RUNX1: variants seen among roughly 807,000 people sequenced by gnomAD.
The protein encoded by RUNX1 is RUNX family transcription factor 1.
A neutral mutation model predicts 42.8 loss-of-function variants in RUNX1; 19 were observed. The ratio of observed to expected loss-of-function variants is 0.44; its 90% CI spans 0.31 to 0.65. RUNX1 has a LOEUF of 0.65. Among genes scored for constraint, RUNX1 ranks in the 30% least tolerant of loss-of-function variants. RUNX1 has a pLI of 0.07. For missense variants in RUNX1, 528 were observed against 672.0 expected (o/e 0.79, Z 2.37); for synonymous variants, 271 against 289.4 (o/e 0.94, Z 0.64).
chr21:34,853,398 T>C (rs1292861142), intron 6 of RUNX1, among the ~76,000 whole-genome samples: 1 of 152,188 alleles, frequency 6.6e-6, no homozygotes, highest in Non-Finnish European at 1.5e-5. Flanking sequence ...ACTTTACTGA[T>C]AAACTCTCCC....
At chr21:34,877,499 C>G (rs1039528775) in intron 5 of RUNX1, among the ~76,000 whole-genome samples, 1 of 151,944 alleles carries the variant, frequency 6.6e-6, no homozygotes, top group African/African-American at 2.4e-5. Context: ...AAGGAGCGGT[C>G]GATTTACATG....
chr21:34,988,703 C>T (rs887391304), intron 2 of RUNX1, among the ~76,000 whole-genome samples: 4 of 152,160 alleles, frequency 2.6e-5, no homozygotes, highest in Admixed American at 1.3e-4. Context: ...ACCTGACATC[C>T]GGACAGTGTG....
chr21:34,875,780 C>T (rs919024392), intron 5 of RUNX1, among the ~76,000 whole-genome samples: 5 of 152,118 alleles, frequency 3.3e-5, no homozygotes, highest in South Asian at 2.1e-4. Context: ...ATATCAGTAC[C>T]GTTTATCCTT....
At chr21:34,910,461 G>C (rs1451062410) in intron 2 of RUNX1, among the ~76,000 whole-genome samples, 1 of 151,424 alleles carries the variant, frequency 6.6e-6, no homozygotes, top group African/African-American at 2.4e-5. Context: ...CTGAAGTCAA[G>C]AACTGTATAA....
chr21:34,902,165 G>A (rs1464269500), intron 2 of RUNX1, among the ~76,000 whole-genome samples: 3 of 152,178 alleles, frequency 2.0e-5, no homozygotes, highest in African/African-American at 7.2e-5. Flanking sequence ...GATTCTTTGT[G>A]TTTATAATTT....
chr21:34,950,241 C>A (rs547188034), intron 2 of RUNX1, among the ~76,000 whole-genome samples: 1 of 152,112 alleles, frequency 6.6e-6, no homozygotes. Flanking sequence ...ACATTCATAA[C>A]CCGCATCTTA....
At chr21:34,886,699 C>T (rs537807209) in intron 4 of RUNX1, 144 bp downstream of exon 4, 9 of 1,317,220 alleles carry the variant, frequency 6.8e-6, no homozygotes, top group Non-Finnish European at 8.4e-6. Context: ...GCATCCCCCA[C>T]ATCCCAAGCT....
chr21:34,881,594 T>C (rs1292374731), intron 4 of RUNX1, among the ~76,000 whole-genome samples: 1 of 152,220 alleles, frequency 6.6e-6, no homozygotes, highest in Non-Finnish European at 1.5e-5. Context: ...TAAACTCATG[T>C]CCTCACAGAT....
intron 2 of RUNX1, among the ~76,000 whole-genome samples, chr21:34,923,542 A>G (rs2058370477): frequency 6.6e-6 from 1 of 152,216 alleles, no homozygotes; most frequent in Admixed American, 6.5e-5. Flanking sequence ...CCAAACTCTA[A>G]AAACCATAAC....
rs1278946545 is a variant in RUNX1, at chr21:34,834,538, C to G, written c.677G>C (p.Ser226Thr). 1 of 1,611,950 alleles carries G rather than the reference C, an allele frequency of 6.2e-7. No individual in the cohort carries two copies. The highest frequency in any genetic ancestry group is 8.5e-7 in the Non-Finnish European group (1 of 1,179,608). ...PGSLSFSERL[S>T]ELEQLRRTAM... is the part of the protein sequence containing the mutation. ...TGTGCGCCGCAGCTGCTCCAGTTCA[C>G]TGAGCCGCTCGGAAAAGGACAAGCT... Residue 226 changes from serine (S) to threonine (T), a missense_variant, in exon 7 of 9, where the codon AGT becomes ACT. Ser to Thr is a moderately conservative substitution (Grantham distance 58, BLOSUM62 1). This residue lies in a region of RUNX1 where 331 missense variants were observed against 382.5 expected (regional missense o/e 0.87). Transcript: ENST00000675419.
intron 2 of RUNX1, among the ~76,000 whole-genome samples, chr21:35,039,840 G>C (rs1366929791): frequency 6.6e-6 from 1 of 152,118 alleles, no homozygotes; most frequent in Non-Finnish European, 1.5e-5. Flanking sequence ...CTCTCCTCTA[G>C]AACTTTGGAA....
At chr21:34,926,196 T>A (rs2017589) in intron 2 of RUNX1, among the ~76,000 whole-genome samples, 118,038 of 151,872 alleles carry the variant, frequency 0.78, 48,197 homozygotes, top group South Asian at 0.93. Context: ...AAAGACAGGC[T>A]GTGCGTGGTG....
At chr21:34,932,057 G>A (rs2146599362) in intron 2 of RUNX1, among the ~76,000 whole-genome samples, 1 of 152,260 alleles carries the variant, frequency 6.6e-6, no homozygotes, top group East Asian at 1.9e-4. Flanking sequence ...TAAGGACAGT[G>A]CAGATGTGGG....
chr21:34,897,908 T>C (rs2058143535), intron 2 of RUNX1, among the ~76,000 whole-genome samples: 1 of 152,160 alleles, frequency 6.6e-6, no homozygotes, highest in African/African-American at 2.4e-5. Flanking sequence ...AGGTTACTAA[T>C]CAGTTGGCTT....
chr21:34,998,658 C>T (rs1241053202), intron 2 of RUNX1, among the ~76,000 whole-genome samples: 3 of 152,160 alleles, frequency 2.0e-5, no homozygotes, highest in Non-Finnish European at 4.4e-5. Context: ...TCTCCTGCCT[C>T]AGCCTCCCGA....
At chr21:34,863,678 C>G (rs913445822) in intron 5 of RUNX1, among the ~76,000 whole-genome samples, 2 of 151,512 alleles carry the variant, frequency 1.3e-5, no homozygotes, top group Non-Finnish European at 2.9e-5. Flanking sequence ...CCTCAGCCTC[C>G]CGAGTAGCTG....
At chr21:35,026,189 C>G (rs1444337826) in intron 2 of RUNX1, among the ~76,000 whole-genome samples, 1 of 152,198 alleles carries the variant, frequency 6.6e-6, no homozygotes, top group Non-Finnish European at 1.5e-5. Flanking sequence ...AGTTTTTCAG[C>G]TCCTGTAAAA....
At chr21:34,849,117 AGTATAT>A (rs1230208807) in intron 6 of RUNX1, among the ~76,000 whole-genome samples, 6 of 148,854 alleles carry the variant, frequency 4.0e-5, no homozygotes, top group African/African-American at 1.5e-4. Context: ...ATGGAAACTA[AGTATAT>A]GTATATCATG....
At chr21:34,997,920 G>C (rs929752015) in intron 2 of RUNX1, among the ~76,000 whole-genome samples, 9 of 152,156 alleles carry the variant, frequency 5.9e-5, no homozygotes, top group Non-Finnish European at 1.3e-4. Context: ...TGGAAAGAAG[G>C]TTCTGCAAGA....
Sources: gnomAD v4.1 joint callset for allele counts (sites outside exome capture counted in the v4.1 genomes callset) on GRCh38, gnomAD v4.1.1 for gene constraint, gnomAD v4.1.1 regional missense constraint, MANE v1.5 for transcripts, NCBI Gene and HGNC (gene_info 2026-07-23, HGNC 2026-07-21) for gene names.